NREP: variants seen among roughly 807,000 people sequenced by gnomAD.
NREP encodes the protein neuronal regeneration related protein.
Under a neutral mutation model 8.6 loss-of-function variants are expected in NREP, and 5 were observed. The observed-to-expected ratio is 0.58, with a 90% CI of 0.30 to 1.22. The LOEUF (loss-of-function observed/expected upper bound fraction) is 1.22, where lower values mean the gene tolerates loss of function less well. Ranked by LOEUF, NREP falls within the 50% of genes most tolerant of loss-of-function variation. The pLI is 0.07. For missense variants in NREP, 86 were observed against 82.5 expected (o/e 1.04, Z -0.17); for synonymous variants, 27 against 28.0 (o/e 0.96, Z 0.11).
rs186322172 is a variant in NREP, at chr5:111,784,136, A to G, written c.136-48629T>C. Among the ~76,000 whole-genome samples, 6 of 152,264 alleles carry G rather than the reference A, an allele frequency of 3.9e-5. No individual in the cohort carries two copies. The East Asian group carries it at 1.2e-3, about 29-fold the overall frequency. ...AATTCAAGCTGATAGAAGGTTTGCT[A>G]TTTTCTACTTGGGGCTTTTGATGTT... On this transcript the variant is annotated intron_variant, in intron 2 of 3. Transcript: ENST00000395634.
At chr5:111,968,132 G>A (rs1004510460) in intron 2 of NREP, among the ~76,000 whole-genome samples, 2 of 151,832 alleles carry the variant, frequency 1.3e-5, no homozygotes, top group South Asian at 2.1e-4. Flanking sequence ...TTTCTAAAAG[G>A]TCTAATTAGT....
At chr5:111,792,367 A>G (rs1222314730) in intron 2 of NREP, among the ~76,000 whole-genome samples, 1 of 152,246 alleles carries the variant, frequency 6.6e-6, no homozygotes, top group Non-Finnish European at 1.5e-5. Flanking sequence ...GACATAGTTA[A>G]GAACAAATTA....
chr5:111,898,355 T>G (rs1160645558), intron 2 of NREP, among the ~76,000 whole-genome samples: 2 of 152,126 alleles, frequency 1.3e-5, no homozygotes, highest in Non-Finnish European at 2.9e-5. Flanking sequence ...AGAGACGAGA[T>G]TTTCTTACGT....
chr5:111,782,517 A>G (rs1233272477), intron 2 of NREP, among the ~76,000 whole-genome samples: 1 of 152,134 alleles, frequency 6.6e-6, no homozygotes, highest in Non-Finnish European at 1.5e-5. Flanking sequence ...CATTTTGGGT[A>G]TTTAATTTCA....
chr5:111,890,389 G>A (rs184425064), intron 2 of NREP, among the ~76,000 whole-genome samples: 122 of 152,308 alleles, frequency 8.0e-4, no homozygotes, highest in African/African-American at 2.9e-3. Flanking sequence ...CTTGCACAGG[G>A]TGCTAGCTGC....
At chr5:111,940,139 G>C (rs1400062836) in intron 2 of NREP, 1 of 152,050 alleles carries the variant, frequency 6.6e-6, no homozygotes. Context: ...AGCACAGTAA[G>C]TTGTCAAAAC....
intron 2 of NREP, among the ~76,000 whole-genome samples, chr5:111,889,276 G>A (rs1281956731): frequency 6.6e-6 from 1 of 152,184 alleles, no homozygotes; most frequent in African/African-American, 2.4e-5. Context: ...GAGCAAGAGA[G>A]AGTGGTGGAA....
chr5:111,757,364 G>T (rs956152159), upstream of NREP: 24 of 930,614 alleles, frequency 2.6e-5, no homozygotes, highest in African/African-American at 4.3e-4. Context: ...AGGAGGAGGA[G>T]ATCATCTCCC....
In NREP at chr5:111,848,998, G is replaced by C. The variant is rs560403392; in HGVS notation, c.136-113491C>G. Among the ~76,000 whole-genome samples, 39 of 152,170 alleles carry C rather than the reference G, an allele frequency of 2.6e-4. No individual in the cohort carries two copies. In the South Asian group the frequency reaches 4.6e-3, roughly 18 times the overall value. On this transcript the variant is annotated intron_variant, in intron 2 of 3. Transcript: ENST00000395634. Reference sequence around the variant, plus strand: ...GGATCTCATACTCTTCACTGGCCCTGGGTTAACCTCTGGTGTACAAATTTG... The same window carrying C: ...GGATCTCATACTCTTCACTGGCCCTCGGTTAACCTCTGGTGTACAAATTTG...
intron 2 of NREP, among the ~76,000 whole-genome samples, chr5:111,862,364 G>T (rs1259812501): frequency 3.3e-5 from 5 of 152,232 alleles, no homozygotes; most frequent in African/African-American, 9.6e-5. Context: ...CTAAGTATGT[G>T]CACCCACTTC....
At chr5:111,844,316 T>G (rs985504424) in intron 2 of NREP, among the ~76,000 whole-genome samples, 29 of 152,104 alleles carry the variant, frequency 1.9e-4, no homozygotes, top group Non-Finnish European at 3.2e-4. Flanking sequence ...TTCAGCAGTT[T>G]GGACCACCTG....
intron 1 of NREP, chr5:111,975,461 AG>A: frequency 2.3e-6 from 2 of 875,658 alleles, no homozygotes; most frequent in South Asian, 3.0e-5. Context: ...TTCAGAGAGG[AG>A]GAGAATGGGC....
chr5:111,922,907 G>A (rs1050464218), intron 2 of NREP, among the ~76,000 whole-genome samples: 8 of 152,144 alleles, frequency 5.3e-5, no homozygotes, highest in Non-Finnish European at 7.4e-5. Context: ...GGCACTCTGA[G>A]GCTTTCGTGC....
intron 2 of NREP, among the ~76,000 whole-genome samples, chr5:111,802,067 G>T (rs1752020888): frequency 6.6e-6 from 1 of 152,088 alleles, no homozygotes; most frequent in Admixed American, 6.6e-5. Context: ...CCAGCCATCT[G>T]TACTTTTAAA....
At chr5:111,963,063 G>A (rs779294821) in intron 2 of NREP, among the ~76,000 whole-genome samples, 62 of 152,368 alleles carry the variant, frequency 4.1e-4, no homozygotes, top group Middle Eastern at 3.4e-3. Flanking sequence ...GAGGGCAGCC[G>A]CCCTGCGCAA....
chr5:111,735,836 G>T (rs1034616655), intron 2 of NREP, among the ~76,000 whole-genome samples: 3 of 152,152 alleles, frequency 2.0e-5, no homozygotes, highest in Admixed American at 2.0e-4. Flanking sequence ...AACTTTCAAA[G>T]GATTCTATAA....
intron 2 of NREP, among the ~76,000 whole-genome samples, chr5:111,771,144 C>T (rs575737288): frequency 6.6e-6 from 1 of 152,106 alleles, no homozygotes; most frequent in African/African-American, 2.4e-5. Flanking sequence ...TAAAATGATG[C>T]AGAATGCTTC....
At chr5:111,820,015 G>T (rs1752480139) in intron 2 of NREP, among the ~76,000 whole-genome samples, 1 of 152,022 alleles carries the variant, frequency 6.6e-6, no homozygotes, top group Non-Finnish European at 1.5e-5. Flanking sequence ...ACTTTAGTCA[G>T]ATTTTTGAGC....
chr5:111,928,444 C>G (rs544189929), intron 2 of NREP, among the ~76,000 whole-genome samples: 1 of 152,140 alleles, frequency 6.6e-6, no homozygotes, highest in East Asian at 1.9e-4. Context: ...AAAAATCTGA[C>G]TGTATTTGAA....
Sources: gnomAD v4.1 joint callset for allele counts (sites outside exome capture counted in the v4.1 genomes callset) on GRCh38, gnomAD v4.1.1 for gene constraint, MANE v1.5 for transcripts, NCBI Gene and HGNC (gene_info 2026-07-23, HGNC 2026-07-21) for gene names.